Variants in ELAPOR2 observed in about 807,000 individuals in gnomAD.
ELAPOR2 encodes endosome-lysosome associated apoptosis and autophagy regulator family member 2, also known as endosome/lysosome-associated apoptosis and autophagy regulator family member 2.
ELAPOR2 carries 89 observed loss-of-function variants against 120.7 expected under a neutral mutation model. That is an observed-to-expected ratio of 0.74 (90% confidence interval 0.62 to 0.88). The LOEUF is 0.88. Ranked by LOEUF, ELAPOR2 falls within the 40% of genes least tolerant of loss-of-function variation. ELAPOR2 has a pLI of 0.00. For synonymous variants in ELAPOR2, 444 were observed against 444.9 expected (o/e 1.00, Z 0.03); for missense variants, 1,134 against 1,251.6 (o/e 0.91, Z 1.42).
chr7:87,012,711 T>C (rs1409846225), intron 1 of ELAPOR2, among the ~76,000 whole-genome samples: 1 of 152,166 alleles, frequency 6.6e-6, no homozygotes, highest in East Asian at 1.9e-4. Context: ...TAGGAGTTAA[T>C]CTCATGTTAG....
chr7:87,014,486 G>C (rs865804701), intron 1 of ELAPOR2, among the ~76,000 whole-genome samples: 1 of 152,140 alleles, frequency 6.6e-6, no homozygotes, highest in Non-Finnish European at 1.5e-5. Context: ...ATACGAAGCA[G>C]AATGTAATGG....
intron 1 of ELAPOR2, among the ~76,000 whole-genome samples, chr7:87,040,136 G>C (rs561711460): frequency 2.0e-5 from 3 of 152,000 alleles, no homozygotes; most frequent in African/African-American, 4.8e-5. Context: ...ACGGAGTCTC[G>C]CTGATTGCTA....
At chr7:87,049,155 G>A (rs995988543) in intron 1 of ELAPOR2, among the ~76,000 whole-genome samples, 1 of 152,084 alleles carries the variant, frequency 6.6e-6, no homozygotes, top group African/African-American at 2.4e-5. Context: ...AATTTATTGA[G>A]GGAATGTGAA....
chr7:87,059,612 C>A lies in ELAPOR2; in HGVS notation c.-99G>T, dbSNP rs1323692244. The A allele has an allele frequency of 8.2e-6, 9 of 1,100,066 alleles. No homozygotes were observed. The highest frequency in any genetic ancestry group is 6.6e-6 in the Non-Finnish European group (6 of 903,160). 68.1% of individuals were successfully genotyped at this position (1,100,066 alleles called of 1,614,324 possible). A position where few individuals can be genotyped will look rare whatever the true frequency, so the allele number is the denominator to read the frequency against. ...GGCCGCGACTGCTGTGCGCTCGTCT[C>A]GCCGCTCCGTCACCCGCTGCCCGTC... On this transcript the variant is annotated 5_prime_UTR_variant, in exon 1 of 22. Coordinates refer to ENST00000450689, the MANE Select transcript of ELAPOR2 (RefSeq NM_001142749.3).
chr7:86,911,777 C>A (rs1403891871), intron 15 of ELAPOR2: 1 of 524,516 alleles, frequency 1.9e-6, no homozygotes, highest in Non-Finnish European at 3.6e-6. Context: ...GATTGACAAC[C>A]CTGACCCATT....
intron 1 of ELAPOR2, 95 bp downstream of exon 1, chr7:87,059,230 G>C: frequency 2.4e-6 from 3 of 1,233,770 alleles, no homozygotes; most frequent in Non-Finnish European, 3.1e-6. Context: ...AAGGAAAAGG[G>C]GATGGCAAAC....
chr7:86,926,766 G>T lies in ELAPOR2; in HGVS notation c.1240C>A (p.Pro414Thr). 1 of 1,610,784 alleles carries T rather than the reference G, an allele frequency of 6.2e-7. No homozygotes were observed. Among genetic ancestry groups the T allele is most frequent in the Non-Finnish European group, 8.5e-7 (1 of 1,178,388 alleles). ...GTTCCATCTGAAAATGTTCCAGGAGGACAGGGATGGCAAGAAGATGATCCA... is the reference window on the plus strand; with the variant it reads ...GTTCCATCTGAAAATGTTCCAGGAGTACAGGGATGGCAAGAAGATGATCCA... ...NNGSSSCHPC[P>T]PGTFSDGTKE... The change falls in exon 9 of 22, where the codon CCT becomes ACT. Residue 414 changes from proline to threonine, a missense_variant. This residue lies in a region of ELAPOR2 where 831 missense variants were observed against 867.6 expected (regional missense o/e 0.96). Coordinates refer to ENST00000450689, the MANE Select transcript of ELAPOR2 (RefSeq NM_001142749.3).
At position 86,964,901 on chromosome 7, in the gene ELAPOR2, T is replaced by C; in HGVS notation, c.310+3A>G. On this transcript the variant is annotated splice_donor_region_variant and intron_variant, in intron 2 of 21. Transcript: ENST00000450689. Reference sequence around the variant, plus strand: ...AACAAATGGTCAAAATGACAAAACATACTGCATTCTTTGCCTCTCACTGGG... The same window carrying C: ...AACAAATGGTCAAAATGACAAAACACACTGCATTCTTTGCCTCTCACTGGG... 1 of 1,551,402 alleles carries C rather than the reference T, an allele frequency of 6.4e-7. No homozygotes were observed. Among genetic ancestry groups the C allele is most frequent in the East Asian group, 2.4e-5 (1 of 40,910 alleles).
intron 8 of ELAPOR2, 131 bp from the exon 9 acceptor site, chr7:86,927,047 A>G (rs1790105026): frequency 1.3e-6 from 1 of 751,408 alleles, no homozygotes; most frequent in African/African-American, 1.8e-5. Context: ...AATCTAAAAC[A>G]TCAGTGACAA....
chr7:87,045,450 C>G (rs1408773266), intron 1 of ELAPOR2, among the ~76,000 whole-genome samples: 1 of 151,290 alleles, frequency 6.6e-6, no homozygotes, highest in African/African-American at 2.5e-5. Context: ...GAGTTCGTGT[C>G]CTTTGTAGGG....
intron 1 of ELAPOR2, among the ~76,000 whole-genome samples, chr7:87,052,787 T>G (rs896962470): frequency 4.1e-5 from 6 of 145,156 alleles, no homozygotes; most frequent in African/African-American, 1.7e-4. Context: ...TTTTGTTTTG[T>G]TTTGTTTTGT....
At position 86,938,110 on chromosome 7, in the gene ELAPOR2, G is replaced by A; in HGVS notation, c.1089+16C>T. On this transcript the variant is annotated intron_variant, in intron 8 of 21. Coordinates refer to ENST00000450689, the MANE Select transcript of ELAPOR2 (RefSeq NM_001142749.3). ...TGCAAAAATATGGGATGGAGTTGAT[G>A]CAACACTGCTGGTACCTTTCCTTCT... is the stretch of plus-strand genomic sequence containing the variant. The A allele has an allele frequency of 6.5e-7, 1 of 1,538,922 alleles. No homozygotes were observed. Among genetic ancestry groups the A allele is most frequent in the Non-Finnish European group, 8.8e-7 (1 of 1,136,328 alleles).
intron 8 of ELAPOR2, among the ~76,000 whole-genome samples, chr7:86,929,142 AC>A (rs1435598561): frequency 6.6e-6 from 1 of 151,976 alleles, no homozygotes; most frequent in Non-Finnish European, 1.5e-5. Context: ...TGAAAAAAAA[AC>A]CACATTTTTA....
rs1298057074 is a variant in ELAPOR2, at chr7:87,052,767, G to GTTTGT, written c.189+6553_189+6557dup. ...AACTTCAGTATATTCTGATCACAGG[G>GTTTGT]TTTGTTTTCTTTTGTTTTGTTTTGT... On this transcript the variant is annotated intron_variant, in intron 1 of 21. Transcript: ENST00000450689. Among the ~76,000 whole-genome samples the GTTTGT allele has an allele frequency of 2.5e-3, 255 of 102,792 alleles. 1 individual carries two copies. Among genetic ancestry groups the GTTTGT allele is most frequent in the Middle Eastern group, 0.01 (2 of 200 alleles). 67.4% of individuals were successfully genotyped at this position (102,792 alleles called of 152,430 possible). A position where few individuals can be genotyped will look rare whatever the true frequency, so the allele number is the denominator to read the frequency against.
chr7:86,890,343 C>T (rs1161305814), intron 21 of ELAPOR2, among the ~76,000 whole-genome samples: 1 of 151,844 alleles, frequency 6.6e-6, no homozygotes, highest in Non-Finnish European at 1.5e-5. Context: ...AATAGTGTCT[C>T]CCAGAAGCAA....
chr7:87,054,298 C>T (rs1795200433), intron 1 of ELAPOR2, among the ~76,000 whole-genome samples: 1 of 152,182 alleles, frequency 6.6e-6, no homozygotes. Context: ...CTATGCTCTG[C>T]TATTTCCATC....
intron 1 of ELAPOR2, among the ~76,000 whole-genome samples, chr7:87,033,333 AT>A (rs547618609): frequency 4.7e-4 from 72 of 152,354 alleles, no homozygotes; most frequent in African/African-American, 1.7e-3. Context: ...TATCAAAAAA[AT>A]CGAAGATAAT....
At chr7:86,960,931 C>A (rs1791679474) in intron 2 of ELAPOR2, among the ~76,000 whole-genome samples, 1 of 152,076 alleles carries the variant, frequency 6.6e-6, no homozygotes, top group South Asian at 2.1e-4. Flanking sequence ...AGCACTTTAT[C>A]TAAAACAACT....
intron 1 of ELAPOR2, among the ~76,000 whole-genome samples, chr7:87,021,399 T>C (rs564781439): frequency 6.6e-5 from 10 of 152,148 alleles, no homozygotes; most frequent in Non-Finnish European, 1.3e-4. Flanking sequence ...CTGCCTAATA[T>C]ATTGTAAATC....
Sources: allele counts gnomAD v4.1 joint callset (sites outside exome capture counted in the v4.1 genomes callset), GRCh38; gene constraint gnomAD v4.1.1; regional missense constraint gnomAD v4.1.1; transcripts MANE v1.5; gene names NCBI Gene and HGNC (gene_info 2026-07-23, HGNC 2026-07-21).